Variants in LRRC4C observed in about 807,000 individuals in gnomAD.
LRRC4C encodes leucine-rich repeat-containing protein 4C.
LRRC4C carries 5 observed loss-of-function variants against 33.6 expected under a neutral mutation model. The ratio of observed to expected loss-of-function variants is 0.15; its 90% CI spans 0.08 to 0.31. The LOEUF is 0.31. LRRC4C is among the 10% of genes least tolerant of loss of function. The probability of loss-of-function intolerance (pLI) is 1.00; values close to 1 mark genes in which losing one functional copy is unlikely to be tolerated. For missense variants in LRRC4C, 560 were observed against 796.7 expected (o/e 0.70, Z 3.58); for synonymous variants, 329 against 302.0 (o/e 1.09, Z -0.93).
chr11:40,292,603 C>A (rs1485431047), intron 4 of LRRC4C: 1 of 120,726 alleles, frequency 8.3e-6, no homozygotes, highest in African/African-American at 3.2e-5. Flanking sequence ...AATGAACATA[C>A]TTTTTTCTTT....
chr11:40,964,346 T>G (rs1675784706), intron 1 of LRRC4C, among the ~76,000 whole-genome samples: 1 of 151,520 alleles, frequency 6.6e-6, no homozygotes, highest in African/African-American at 2.4e-5. Context: ...AGACATTGAA[T>G]TTGCTTTAAG....
At chr11:40,577,459 G>T (rs1958241145) in intron 3 of LRRC4C, among the ~76,000 whole-genome samples, 1 of 152,144 alleles carries the variant, frequency 6.6e-6, no homozygotes, top group Non-Finnish European at 1.5e-5. Flanking sequence ...GACTTTCTCA[G>T]GCAAACTTGC....
chr11:41,437,419 G>GCACA (rs1212085301), intron 1 of LRRC4C, among the ~76,000 whole-genome samples: 9 of 64,344 alleles, frequency 1.4e-4, no homozygotes, highest in South Asian at 3.9e-4. Context: ...AAACGCGCGC[G>GCACA]CGCGCGCACA....
intron 3 of LRRC4C, among the ~76,000 whole-genome samples, chr11:40,621,171 A>G (rs1318599394): frequency 1.3e-5 from 2 of 151,804 alleles, no homozygotes; most frequent in African/African-American, 4.8e-5. Flanking sequence ...TCATCCATAT[A>G]GGAAATCAGT....
intron 1 of LRRC4C, among the ~76,000 whole-genome samples, chr11:41,366,034 TAAA>T (rs1424381226): frequency 6.6e-6 from 1 of 152,180 alleles, no homozygotes; most frequent in Non-Finnish European, 1.5e-5. Flanking sequence ...ATGGCTTGCA[TAAA>T]ATAAGCATTA....
chr11:41,273,764 AAACAT>A (rs1201841063), intron 1 of LRRC4C, among the ~76,000 whole-genome samples: 2 of 152,162 alleles, frequency 1.3e-5, no homozygotes, highest in Non-Finnish European at 2.9e-5. Context: ...AAACAAAACA[AAACAT>A]AAGGAAATTT....
intron 1 of LRRC4C, among the ~76,000 whole-genome samples, chr11:41,391,142 T>C (rs889344105): frequency 2.0e-5 from 3 of 151,904 alleles, no homozygotes; most frequent in Admixed American, 1.3e-4. Context: ...CTGGGGTTTG[T>C]GAGTATAGGT....
intron 1 of LRRC4C, among the ~76,000 whole-genome samples, chr11:41,411,665 T>C (rs1229243476): frequency 1.3e-5 from 2 of 152,206 alleles, no homozygotes; most frequent in Non-Finnish European, 2.9e-5. Context: ...ACATCCTTTC[T>C]TTATAAAGTT....
chr11:40,412,151 C>A (rs928339195), intron 3 of LRRC4C, among the ~76,000 whole-genome samples: 2 of 151,866 alleles, frequency 1.3e-5, no homozygotes, highest in African/African-American at 4.8e-5. Context: ...ACAAAAGAAA[C>A]TTTTACATAT....
At chr11:41,065,859 TAAC>T (rs1043494976) in intron 1 of LRRC4C, among the ~76,000 whole-genome samples, 2 of 151,830 alleles carry the variant, frequency 1.3e-5, no homozygotes, top group African/African-American at 2.4e-5. Flanking sequence ...GACGCAGAAA[TAAC>T]AACAACATCA....
At chr11:40,530,441 G>A (rs1407462227) in intron 3 of LRRC4C, among the ~76,000 whole-genome samples, 1 of 149,788 alleles carries the variant, frequency 6.7e-6, no homozygotes, top group African/African-American at 2.5e-5. Flanking sequence ...CAAAGCCCAG[G>A]TTCTCTTATC....
At chr11:41,408,483 G>A (rs1364540216) in intron 1 of LRRC4C, among the ~76,000 whole-genome samples, 2 of 152,052 alleles carry the variant, frequency 1.3e-5, no homozygotes, top group East Asian at 3.9e-4. Context: ...CAAGTGATTG[G>A]TTATGCTCAT....
intron 2 of LRRC4C, among the ~76,000 whole-genome samples, chr11:40,910,058 G>A (rs1956598940): frequency 6.6e-6 from 1 of 151,874 alleles, no homozygotes; most frequent in Non-Finnish European, 1.5e-5. Context: ...ACAATATTAA[G>A]GATCAAAATA....
chr11:40,148,341 A>G (rs992625363), intron 5 of LRRC4C, among the ~76,000 whole-genome samples: 5 of 152,172 alleles, frequency 3.3e-5, no homozygotes, highest in Non-Finnish European at 5.9e-5. Context: ...CCTCACTGAC[A>G]TCTGTCATTT....
At chr11:41,450,720 T>C (rs972616781) in intron 1 of LRRC4C, among the ~76,000 whole-genome samples, 1 of 152,154 alleles carries the variant, frequency 6.6e-6, no homozygotes, top group African/African-American at 2.4e-5. Context: ...TGTGGGTTTT[T>C]ACAAGGCTCT....
At chr11:41,359,522 G>GT (rs937966193) in intron 1 of LRRC4C, among the ~76,000 whole-genome samples, 73 of 151,914 alleles carry the variant, frequency 4.8e-4, no homozygotes, top group African/African-American at 1.7e-3. Flanking sequence ...ATAAGTGTTT[G>GT]TTTTTTTTGT....
chr11:41,370,879 T>C (rs758381972), intron 1 of LRRC4C, among the ~76,000 whole-genome samples: 1 of 152,116 alleles, frequency 6.6e-6, no homozygotes, highest in Non-Finnish European at 1.5e-5. Context: ...ATACATTTTA[T>C]GTGGGCAACA....
intron 3 of LRRC4C, among the ~76,000 whole-genome samples, chr11:40,439,821 G>A (rs1468371270): frequency 1.3e-5 from 2 of 152,020 alleles, no homozygotes; most frequent in Admixed American, 1.3e-4. Context: ...AAACAAATTT[G>A]GAAGAAAAAG....
At chr11:40,425,895 T>C (rs1285985128) in intron 3 of LRRC4C, among the ~76,000 whole-genome samples, 1 of 152,226 alleles carries the variant, frequency 6.6e-6, no homozygotes, top group African/African-American at 2.4e-5. Context: ...TGCTAAATTC[T>C]GCTCATACTT....
Sources: gnomAD v4.1 joint callset for allele counts (sites outside exome capture counted in the v4.1 genomes callset) on GRCh38, gnomAD v4.1.1 for gene constraint, MANE v1.5 for transcripts, NCBI Gene and HGNC (gene_info 2026-07-23, HGNC 2026-07-21) for gene names.